Variants in NR6A1 observed in about 807,000 individuals in gnomAD.
NR6A1 encodes the protein retinoic acid receptor-related testis-associated receptor.
In NR6A1, 7 loss-of-function variants were observed where a neutral mutation model predicts 59.1. The observed-to-expected ratio is 0.12, with a 90% CI of 0.07 to 0.22. The LOEUF (loss-of-function observed/expected upper bound fraction) is 0.22, where lower values mean the gene tolerates loss of function less well. Among genes scored for constraint, NR6A1 ranks in the 10% least tolerant of loss-of-function variants. The pLI, the probability that NR6A1 is intolerant of heterozygous loss-of-function variation, is 1.00. For missense variants in NR6A1, 468 were observed against 611.6 expected (o/e 0.77, Z 2.48); for synonymous variants, 243 against 236.1 (o/e 1.03, Z -0.27).
intron 1 of NR6A1, among the ~76,000 whole-genome samples, chr9:124,736,577 T>C (rs961607422): frequency 6.6e-6 from 1 of 152,048 alleles, no homozygotes. Context: ...GGTACAGTGG[T>C]GCATGCCTGT....
intron 2 of NR6A1, among the ~76,000 whole-genome samples, chr9:124,732,758 A>G (rs989392398): frequency 6.7e-6 from 1 of 149,960 alleles, no homozygotes; most frequent in Admixed American, 6.7e-5. Flanking sequence ...GTGCAATGGC[A>G]TGTTCTTGGC....
At chr9:124,618,361 T>C (rs1835960842) in intron 2 of NR6A1, among the ~76,000 whole-genome samples, 1 of 152,118 alleles carries the variant, frequency 6.6e-6, no homozygotes, top group South Asian at 2.1e-4. Context: ...CATGTGCCTG[T>C]AATCCCAGCT....
intron 3 of NR6A1, among the ~76,000 whole-genome samples, chr9:124,551,565 TTC>T (rs1833778320): frequency 6.6e-6 from 1 of 152,212 alleles, no homozygotes; most frequent in African/African-American, 2.4e-5. Context: ...TTGTATGTAA[TTC>T]TTTTTGTTTT....
At chr9:124,532,673 T>C (rs930909792) in intron 7 of NR6A1, among the ~76,000 whole-genome samples, 4 of 152,242 alleles carry the variant, frequency 2.6e-5, no homozygotes, top group Non-Finnish European at 5.9e-5. Flanking sequence ...AATCCATTCC[T>C]ATTCTCAGAA....
intron 2 of NR6A1, among the ~76,000 whole-genome samples, chr9:124,730,014 TA>T (rs1839837159): frequency 6.6e-6 from 1 of 151,940 alleles, no homozygotes; most frequent in South Asian, 2.1e-4. Flanking sequence ...GGTTTCTCAA[TA>T]TTGGTCAGGC....
At chr9:124,673,801 G>A (rs569832443) in intron 2 of NR6A1, among the ~76,000 whole-genome samples, 5 of 152,172 alleles carry the variant, frequency 3.3e-5, no homozygotes, top group African/African-American at 7.2e-5. Flanking sequence ...TATTGTGAGC[G>A]CCTAAAGAAG....
At chr9:124,682,128 G>A (rs954207696) in intron 2 of NR6A1, among the ~76,000 whole-genome samples, 1 of 151,986 alleles carries the variant, frequency 6.6e-6, no homozygotes, top group Non-Finnish European at 1.5e-5. Flanking sequence ...CCGAGTAGCT[G>A]GGACTACAGG....
intron 2 of NR6A1, among the ~76,000 whole-genome samples, chr9:124,642,884 A>T (rs1033542546): frequency 6.6e-6 from 1 of 152,174 alleles, no homozygotes; most frequent in Non-Finnish European, 1.5e-5. Context: ...AATAAGAAAG[A>T]TAAGAAAGTG....
chr9:124,553,096 C>T (rs1046978694), intron 3 of NR6A1, among the ~76,000 whole-genome samples: 2 of 152,118 alleles, frequency 1.3e-5, no homozygotes, highest in Non-Finnish European at 2.9e-5. Context: ...AGTAACATAC[C>T]ATCTTAAAGG....
chr9:124,606,841 G>C (rs895030424), intron 2 of NR6A1, among the ~76,000 whole-genome samples: 1 of 152,218 alleles, frequency 6.6e-6, no homozygotes, highest in African/African-American at 2.4e-5. Flanking sequence ...ATAGGAACTT[G>C]ATAAACTGAG....
intron 2 of NR6A1, chr9:124,598,994 T>C (rs1333134162): frequency 9.5e-6 from 7 of 736,766 alleles, no homozygotes; most frequent in South Asian, 2.8e-5. Context: ...CGTGTAGTGG[T>C]TGGCACAAAT....
chr9:124,562,972 C>G (rs1291357488), intron 2 of NR6A1, among the ~76,000 whole-genome samples: 1 of 152,172 alleles, frequency 6.6e-6, no homozygotes, highest in Non-Finnish European at 1.5e-5. Flanking sequence ...ATCGATCTGA[C>G]AAGAATTGTA....
chr9:124,661,144 A>C (rs1837420927), intron 2 of NR6A1, among the ~76,000 whole-genome samples: 1 of 152,218 alleles, frequency 6.6e-6, no homozygotes, highest in South Asian at 2.1e-4. Context: ...ACAAAGAATT[A>C]AAATCAAAGC....
intron 2 of NR6A1, among the ~76,000 whole-genome samples, chr9:124,624,920 T>G: frequency 6.6e-6 from 1 of 151,436 alleles, no homozygotes. Context: ...TTGTTTTTTT[T>G]TTTTTTTTTC....
rs923609354 is a variant in NR6A1 at position 124,771,243 on chromosome 9, C to G, written c.-124G>C. The G allele has an allele frequency of 1.2e-4, 58 of 487,778 alleles. 1 individual carries two copies. Among genetic ancestry groups the G allele is most frequent in the Admixed American group, 4.4e-4 (10 of 22,652 alleles). 30.2% of individuals were successfully genotyped at this position (487,778 alleles called of 1,614,324 possible). ...AGCCCGCGAGCTCCCGGCCGCGGCT[C>G]TCTCTGGGCCCCGAGCCGCCCGGCT... is the stretch of plus-strand genomic sequence containing the variant. On this transcript the variant is annotated 5_prime_UTR_variant, in exon 1 of 10. Transcript: ENST00000487099.
At chr9:124,611,749 T>TAAAGAGAGAG (rs1835750575) in intron 2 of NR6A1, among the ~76,000 whole-genome samples, 1 of 91,442 alleles carries the variant, frequency 1.1e-5, no homozygotes, top group South Asian at 4.1e-4. Context: ...GACCCTGTCT[T>TAAAGAGAGAG]AGAGAGAGAG....
chr9:124,716,604 G>A (rs1839423142), intron 2 of NR6A1, among the ~76,000 whole-genome samples: 2 of 152,176 alleles, frequency 1.3e-5, no homozygotes, highest in Non-Finnish European at 2.9e-5. Flanking sequence ...CCACTCGACA[G>A]TTGAACAAAA....
At chr9:124,542,947 T>C (rs902102918) in intron 4 of NR6A1, among the ~76,000 whole-genome samples, 11 of 152,174 alleles carry the variant, frequency 7.2e-5, no homozygotes, top group African/African-American at 2.4e-4. Context: ...TCTACCCTCA[T>C]GAAGCTCTTC....
intron 2 of NR6A1, among the ~76,000 whole-genome samples, 166 bp from the exon 3 acceptor site, chr9:124,554,736 C>T (rs926190085): frequency 6.6e-6 from 1 of 152,202 alleles, no homozygotes; most frequent in Non-Finnish European, 1.5e-5. Context: ...GTCCCTGTAT[C>T]TGTGGTTGCA....
Sources: gnomAD v4.1 joint callset for allele counts (sites outside exome capture counted in the v4.1 genomes callset) on GRCh38, gnomAD v4.1.1 for gene constraint, MANE v1.5 for transcripts, NCBI Gene and HGNC (gene_info 2026-07-23, HGNC 2026-07-21) for gene names.